The following STON2 variants were observed in gnomAD, a reference collection of about 807,000 sequenced individuals.
STON2 encodes stonin-2.
STON2 carries 29 observed loss-of-function variants against 65.7 expected under a neutral mutation model. That is an observed-to-expected ratio of 0.44 (90% CI 0.33 to 0.60). The LOEUF is 0.60. Ranked by LOEUF, STON2 falls within the 20% of genes least tolerant of loss-of-function variation. STON2 has a pLI of 0.03. For missense variants in STON2, 1,054 were observed against 1,118.1 expected (o/e 0.94, Z 0.82); for synonymous variants, 404 against 414.2 (o/e 0.98, Z 0.30).
At chr14:81,291,368 G>A (rs999820347) in intron 5 of STON2, among the ~76,000 whole-genome samples, 1 of 152,172 alleles carries the variant, frequency 6.6e-6, no homozygotes, top group Non-Finnish European at 1.5e-5. Flanking sequence ...ATTAAGTCAT[G>A]AATACACTTT....
intron 5 of STON2, among the ~76,000 whole-genome samples, chr14:81,321,159 C>A (rs1378717536): frequency 6.6e-6 from 1 of 152,164 alleles, no homozygotes; most frequent in African/African-American, 2.4e-5. Context: ...TCTAGCATCT[C>A]TACAGCTAAG....
intron 5 of STON2, among the ~76,000 whole-genome samples, chr14:81,296,761 A>T (rs1359963610): frequency 6.6e-6 from 1 of 152,202 alleles, no homozygotes; most frequent in Non-Finnish European, 1.5e-5. Flanking sequence ...AGGAATTTCT[A>T]TGCTACTTCA....
At chr14:81,369,872 A>G (rs973018165) in intron 4 of STON2, among the ~76,000 whole-genome samples, 2 of 152,208 alleles carry the variant, frequency 1.3e-5, no homozygotes, top group Non-Finnish European at 2.9e-5. Flanking sequence ...CGCATCCATG[A>G]GATGCCCCCA....
Position 81,268,035 on chromosome 14 carries a change from G to C in STON2, c.*379C>G. The C allele has an allele frequency of 1.0e-6, 1 of 987,808 alleles. No homozygotes were observed. Among genetic ancestry groups the C allele is most frequent in the Non-Finnish European group, 1.2e-6 (1 of 831,588 alleles). 61.2% of individuals were successfully genotyped at this position (987,808 alleles called of 1,614,324 possible). ...TTATGCGAGTGACAGATGAACATCA[G>C]AAGGCAATCGTGCTAACACTGATGT... On this transcript the variant is annotated 3_prime_UTR_variant, in exon 8 of 8. Transcript: ENST00000614646.
intron 7 of STON2, among the ~76,000 whole-genome samples, chr14:81,269,022 A>C (rs1035200051): frequency 1.3e-5 from 2 of 152,124 alleles, no homozygotes; most frequent in Non-Finnish European, 2.9e-5. Flanking sequence ...TTTTTGAGAC[A>C]GGGTCTCATT....
At chr14:81,308,822 A>ATG (rs1896301774) in intron 5 of STON2, among the ~76,000 whole-genome samples, 1 of 8,672 alleles carries the variant, frequency 1.2e-4, no homozygotes, top group African/African-American at 5.1e-4. Context: ...ATATATATAT[A>ATG]TATGTGTGTG....
intron 5 of STON2, among the ~76,000 whole-genome samples, chr14:81,290,625 A>G (rs1895519281): frequency 6.6e-6 from 1 of 152,226 alleles, no homozygotes; most frequent in African/African-American, 2.4e-5. Flanking sequence ...GTTAGGGGCA[A>G]GTACTGCAAG....
intron 5 of STON2, among the ~76,000 whole-genome samples, chr14:81,284,589 A>C (rs916316686): frequency 2.0e-5 from 3 of 152,268 alleles, no homozygotes; most frequent in Admixed American, 2.0e-4. Flanking sequence ...TAGAAGGTCA[A>C]ACAGCAAGTG....
In STON2 at chr14:81,419,501, C is replaced by T. The variant is rs188429706; in HGVS notation, c.-199+7601G>A. ...GTCAGCCTCCATAGGAACTAGTTCA[C>T]AGGTTCTAAATGATGGATCTTTTTC... is the stretch of plus-strand genomic sequence containing the variant. On this transcript the variant is annotated intron_variant, in intron 2 of 8. Transcript: ENST00000553821. 8.5e-5 allele frequency among the ~76,000 whole-genome samples: 13 copies of T among 152,332 alleles called. No individual in the cohort carries two copies. In the East Asian group the frequency reaches 2.3e-3, roughly 27 times the overall value.
rs1353696850 is a variant in STON2 at position 81,267,605 on chromosome 14, C to T, written c.*809G>A. The stretch of plus-strand genomic sequence containing the variant: ...TGGGAATTCACTGAGATTGAATCTA[C>T]CTCTTGAACTGAACATCATCTTATA... On this transcript the variant is annotated 3_prime_UTR_variant, in exon 8 of 8. Transcript: ENST00000614646. 1 of 985,240 alleles carries T rather than the reference C, an allele frequency of 1.0e-6. No homozygotes were observed. Among genetic ancestry groups the T allele is most frequent in the Middle Eastern group, 5.2e-4 (1 of 1,936 alleles). The allele number at this position is 985,240 out of a possible 1,614,324, so 61.0% of individuals were successfully genotyped here.
At chr14:81,343,412 C>A (rs144173704) in intron 4 of STON2, among the ~76,000 whole-genome samples, 1,980 of 152,202 alleles carry the variant, frequency 0.013, 41 homozygotes, top group African/African-American at 0.045. Flanking sequence ...ACAAGTAAAC[C>A]TGGCAGCATC....
At chr14:81,402,026 T>G (rs1408067164), upstream of STON2, among the ~76,000 whole-genome samples, 4 of 152,130 alleles carry the variant, frequency 2.6e-5, no homozygotes, top group Non-Finnish European at 5.9e-5. Context: ...TAACAAGGTG[T>G]GTTTCTGTCT....
At chr14:81,305,628 C>A (rs770775602) in intron 5 of STON2, among the ~76,000 whole-genome samples, 22 of 151,778 alleles carry the variant, frequency 1.4e-4, no homozygotes, top group Admixed American at 9.9e-4. Flanking sequence ...GTATTTATTG[C>A]AAATATCTCC....
chr14:81,400,095 G>C (rs879594807), intron 1 of STON2, among the ~76,000 whole-genome samples, 184 bp downstream of exon 1: 1 of 152,054 alleles, frequency 6.6e-6, no homozygotes, highest in Admixed American at 6.5e-5. Flanking sequence ...AATTACAATG[G>C]AACTGTAATG....
chr14:81,304,385 A>C lies in STON2; in HGVS notation c.742+19632T>G, dbSNP rs139241661. Among the ~76,000 whole-genome samples, 415 of 152,268 alleles carry C rather than the reference A, an allele frequency of 2.7e-3. 1 individual carries two copies. Among genetic ancestry groups the C allele is most frequent in the African/African-American group, 9.4e-3 (392 of 41,548 alleles). ...CTCCCTCTTACAGATGACAAAACTA[A>C]AGCACAAAAAAGTTAAGTAACTTGC... On this transcript the variant is annotated intron_variant, in intron 5 of 7. Transcript: ENST00000614646.
intron 3 of STON2, among the ~76,000 whole-genome samples, chr14:81,391,011 A>T (rs1900053390): frequency 6.6e-6 from 1 of 152,204 alleles, no homozygotes; most frequent in South Asian, 2.1e-4. Flanking sequence ...TCTTCTGTGT[A>T]AGCAAAATCG....
chr14:81,290,191 G>A (rs1429643028), intron 5 of STON2, among the ~76,000 whole-genome samples: 2 of 152,194 alleles, frequency 1.3e-5, no homozygotes, highest in African/African-American at 4.8e-5. Flanking sequence ...AGTCTCACTA[G>A]TCTCACCTTC....
At chr14:81,368,323 G>T (rs1898830566) in intron 4 of STON2, among the ~76,000 whole-genome samples, 1 of 152,136 alleles carries the variant, frequency 6.6e-6, no homozygotes, top group Non-Finnish European at 1.5e-5. Context: ...AATGACACCT[G>T]CCTTGCAGGA....
chr14:81,296,075 C>A (rs558289678), intron 5 of STON2, among the ~76,000 whole-genome samples: 18 of 152,256 alleles, frequency 1.2e-4, no homozygotes, highest in Admixed American at 1.2e-3. Flanking sequence ...TCTCATAGGA[C>A]AATATTCAAA....
Sources: gnomAD v4.1 joint callset for allele counts (sites outside exome capture counted in the v4.1 genomes callset) on GRCh38, gnomAD v4.1.1 for gene constraint, MANE v1.5 for transcripts, NCBI Gene and HGNC (gene_info 2026-07-23, HGNC 2026-07-21) for gene names.